Variants in CNTNAP5 observed in about 807,000 individuals in gnomAD.
CNTNAP5 encodes the protein contactin associated protein family member 5.
A neutral mutation model predicts 150.2 loss-of-function variants in CNTNAP5; 72 were observed. That is an observed-to-expected ratio of 0.48 (90% CI 0.40 to 0.58). The LOEUF (loss-of-function observed/expected upper bound fraction) is 0.58. CNTNAP5 is among the 20% of genes least tolerant of loss of function. The probability of loss-of-function intolerance (pLI) is 0.00; values close to 1 mark genes in which losing one functional copy is unlikely to be tolerated. For missense variants in CNTNAP5, 1,636 were observed against 1,626.2 expected (o/e 1.01, Z -0.10); for synonymous variants, 672 against 619.8 (o/e 1.08, Z -1.25).
At chr2:124,891,758 T>G (rs935254566) in intron 21 of CNTNAP5, among the ~76,000 whole-genome samples, 1 of 152,082 alleles carries the variant, frequency 6.6e-6, no homozygotes, top group Non-Finnish European at 1.5e-5. Context: ...TTTTTCTTAA[T>G]TAAATACAGT....
At position 124,461,771 on chromosome 2, in the gene CNTNAP5, C is replaced by G. The variant is rs930302054; in HGVS notation, c.919-12968C>G. Among the ~76,000 whole-genome samples, 9 of 150,904 alleles carry G rather than the reference C, an allele frequency of 6.0e-5. No homozygotes were observed. The South Asian group carries it at 1.9e-3, about 32-fold the overall frequency. On this transcript the variant is annotated intron_variant, in intron 6 of 23. Coordinates refer to ENST00000682447, the MANE Select transcript of CNTNAP5 (RefSeq NM_001367498.1). ...ACTCGGGAGGCTGAGGCAGGAGAAT[C>G]GCTGGAAACCACCCAGGAGGTGGAG...
At chr2:124,749,447 C>A (rs113062891) in intron 14 of CNTNAP5, among the ~76,000 whole-genome samples, 2 of 150,192 alleles carry the variant, frequency 1.3e-5, no homozygotes, top group Admixed American at 1.3e-4. Flanking sequence ...CTTCCTTAGA[C>A]GGAGTCTTGC....
intron 3 of CNTNAP5, among the ~76,000 whole-genome samples, chr2:124,382,918 G>C (rs1414271616): frequency 6.6e-6 from 1 of 152,106 alleles, no homozygotes; most frequent in Middle Eastern, 3.4e-3. Context: ...TTCTTTTAAA[G>C]TGTTCTTAAC....
At chr2:124,513,032 C>A (rs988106697) in intron 8 of CNTNAP5, among the ~76,000 whole-genome samples, 1 of 152,176 alleles carries the variant, frequency 6.6e-6, no homozygotes, top group African/African-American at 2.4e-5. Context: ...CTTTGGTTTT[C>A]TTCTTTTTAA....
intron 3 of CNTNAP5, among the ~76,000 whole-genome samples, chr2:124,387,690 C>T (rs546194817): frequency 6.6e-6 from 1 of 152,250 alleles, no homozygotes; most frequent in Admixed American, 6.5e-5. Flanking sequence ...GAACAAATCA[C>T]AATGGTGGAA....
At position 124,272,116 on chromosome 2, in the gene CNTNAP5, G is replaced by T. The variant is rs966689720; in HGVS notation, c.381+29723G>T. Reference sequence around the variant, plus strand: ...TTGGTATGGTTTTTAAGCTTTAATTGTGTATGCTTGTGACATAAACTTATT... The same window carrying T: ...TTGGTATGGTTTTTAAGCTTTAATTTTGTATGCTTGTGACATAAACTTATT... On this transcript the variant is annotated intron_variant, in intron 3 of 23. Coordinates refer to ENST00000682447, the MANE Select transcript of CNTNAP5 (RefSeq NM_001367498.1). Among the ~76,000 whole-genome samples, 3 of 151,980 alleles carry T rather than the reference G, an allele frequency of 2.0e-5. No homozygotes were observed. In the East Asian group the frequency reaches 5.8e-4, roughly 29 times the overall value.
At chr2:124,541,179 A>C (rs1345345099) in intron 10 of CNTNAP5, among the ~76,000 whole-genome samples, 1 of 83,082 alleles carries the variant, frequency 1.2e-5, no homozygotes, top group Admixed American at 1.5e-4. Flanking sequence ...CAAAATTCCG[A>C]TTTTTTTTTT....
chr2:124,877,630 G>A (rs1307259602), intron 21 of CNTNAP5, among the ~76,000 whole-genome samples: 1 of 152,122 alleles, frequency 6.6e-6, no homozygotes, highest in Non-Finnish European at 1.5e-5. Flanking sequence ...AACTGTCCTT[G>A]TTCTAAAGAT....
Position 124,655,049 on chromosome 2 carries a change from C to T in CNTNAP5, c.2077+7091C>T, listed in dbSNP as rs568874679. The stretch of plus-strand genomic sequence containing the variant: ...TGTGCATGTTTGTTACACAGGCATA[C>T]ATGTGCCATGGTGTTTTTCTGCACC... On this transcript the variant is annotated intron_variant, in intron 13 of 23. Coordinates refer to ENST00000682447, the MANE Select transcript of CNTNAP5 (RefSeq NM_001367498.1). Among the ~76,000 whole-genome samples, 3 of 152,052 alleles carry T rather than the reference C, an allele frequency of 2.0e-5. No homozygotes were observed. In the South Asian group the frequency reaches 6.2e-4, roughly 32 times the overall value.
Position 124,790,362 on chromosome 2 carries a change from C to G in CNTNAP5, c.2992+221C>G, listed in dbSNP as rs558183688. On this transcript the variant is annotated intron_variant, in intron 18 of 23. Coordinates refer to ENST00000682447, the MANE Select transcript of CNTNAP5 (RefSeq NM_001367498.1). ...TGGATGGATAATTACAGGAAAACACCCTGCCCACGGCCAAAAAGTCAGTTA... is the reference window on the plus strand; with the variant it reads ...TGGATGGATAATTACAGGAAAACACGCTGCCCACGGCCAAAAAGTCAGTTA... Among the ~76,000 whole-genome samples the G allele has an allele frequency of 2.6e-5, 4 of 152,156 alleles. No homozygotes were observed. In the South Asian group the frequency reaches 8.3e-4, roughly 32 times the overall value.
At chr2:124,856,613 CTTT>C (rs1677380724) in intron 19 of CNTNAP5, among the ~76,000 whole-genome samples, 1 of 152,090 alleles carries the variant, frequency 6.6e-6, no homozygotes, top group South Asian at 2.1e-4. Flanking sequence ...TTTATTTGGA[CTTT>C]TAGACCCTGA....
At position 124,644,372 on chromosome 2, in the gene CNTNAP5, A is replaced by C. The variant is rs532228013; in HGVS notation, c.1877-3386A>C. 5.9e-5 allele frequency among the ~76,000 whole-genome samples: 9 copies of C among 152,312 alleles called. No homozygotes were observed. In the South Asian group the frequency reaches 1.9e-3, roughly 32 times the overall value. On this transcript the variant is annotated intron_variant, in intron 12 of 23. Transcript: ENST00000682447. ...ACCACCAATGCAGCTGAGGAAGAAAAGATAGGAAGCGAGGAAAAATATTAT... is the reference window on the plus strand; with the variant it reads ...ACCACCAATGCAGCTGAGGAAGAAACGATAGGAAGCGAGGAAAAATATTAT...
rs75553287 is a variant in CNTNAP5, at chr2:124,300,504, A to G, written c.381+58111A>G. ...TAGTTCTAGGCATGGAGCAGAGAAT[A>G]GAGCAGGCTGGGAGGAAGAAGAGCG... On this transcript the variant is annotated intron_variant, in intron 3 of 23. Coordinates refer to ENST00000682447, the MANE Select transcript of CNTNAP5 (RefSeq NM_001367498.1). Among the ~76,000 whole-genome samples, 472 of 152,174 alleles carry G rather than the reference A, an allele frequency of 3.1e-3. 2 individuals carry two copies. Among genetic ancestry groups the G allele is most frequent in the African/African-American group, 0.011 (446 of 41,520 alleles).
At chr2:124,210,008 A>G (rs1685966797) in intron 1 of CNTNAP5, among the ~76,000 whole-genome samples, 1 of 152,210 alleles carries the variant, frequency 6.6e-6, no homozygotes, top group African/African-American at 2.4e-5. Context: ...GCGGTGCCAG[A>G]AGATTAAATA....
chr2:124,203,531 G>A (rs1192658517), intron 1 of CNTNAP5, among the ~76,000 whole-genome samples: 2 of 152,164 alleles, frequency 1.3e-5, no homozygotes, highest in Non-Finnish European at 2.9e-5. Context: ...TTCCCTAGCA[G>A]AAGTTCTCCA....
intron 21 of CNTNAP5, among the ~76,000 whole-genome samples, chr2:124,870,711 G>T (rs908386076): frequency 6.6e-6 from 1 of 152,128 alleles, no homozygotes; most frequent in African/African-American, 2.4e-5. Context: ...TTGCTTACAA[G>T]ATTGTTGTAG....
chr2:124,451,795 C>T (rs1692988040), intron 6 of CNTNAP5, among the ~76,000 whole-genome samples: 1 of 152,056 alleles, frequency 6.6e-6, no homozygotes, highest in African/African-American at 2.4e-5. Flanking sequence ...CACTGGGGAA[C>T]CCGAAGGTCT....
At chr2:124,872,470 G>A (rs1332469070) in intron 21 of CNTNAP5, among the ~76,000 whole-genome samples, 1 of 148,230 alleles carries the variant, frequency 6.7e-6, no homozygotes, top group Non-Finnish European at 1.5e-5. Context: ...CAACTCTAAG[G>A]ATCAAAAATT....
intron 12 of CNTNAP5, among the ~76,000 whole-genome samples, chr2:124,629,245 A>G (rs1438678709): frequency 2.0e-5 from 3 of 152,214 alleles, no homozygotes; most frequent in Non-Finnish European, 4.4e-5. Context: ...ACCCCAAAGC[A>G]ACAGAATATA....
Sources: gnomAD v4.1 joint callset for allele counts (sites outside exome capture counted in the v4.1 genomes callset) on GRCh38, gnomAD v4.1.1 for gene constraint, MANE v1.5 for transcripts, NCBI Gene and HGNC (gene_info 2026-07-23, HGNC 2026-07-21) for gene names.